TAS1R1: variants seen among roughly 807,000 people sequenced by gnomAD.
The protein encoded by TAS1R1 is taste receptor type 1 member 1.
In TAS1R1, 31 loss-of-function variants were observed where a neutral mutation model predicts 45.8. That is an observed-to-expected ratio of 0.68 (90% CI 0.51 to 0.91). TAS1R1 has a LOEUF of 0.91. TAS1R1 is among the 40% of genes least tolerant of loss of function. The pLI, the probability that TAS1R1 is intolerant of heterozygous loss-of-function variation, is 0.00. For missense variants in TAS1R1, 1,051 were observed against 1,063.9 expected (o/e 0.99, Z 0.17); for synonymous variants, 437 against 448.4 (o/e 0.97, Z 0.32).
rs566385786 is a variant in TAS1R1, at chr1:6,571,531, T to C, written c.498+316T>C. 2.0e-5 allele frequency among the ~76,000 whole-genome samples: 3 copies of C among 152,332 alleles called. No homozygotes were observed. The East Asian group carries it at 5.8e-4, about 29-fold the overall frequency. ...CCCTCCAGAGGTTCCGTTGCCTTTG[T>C]TAGGAATGGACATCCTGGACGGGCG... is the stretch of plus-strand genomic sequence containing the variant. On this transcript the variant is annotated intron_variant, in intron 2 of 5. Transcript: ENST00000333172.
intron 5 of TAS1R1, among the ~76,000 whole-genome samples, chr1:6,578,001 C>T (rs1175794892): frequency 6.6e-6 from 1 of 152,186 alleles, no homozygotes; most frequent in Non-Finnish European, 1.5e-5. Context: ...GTCCTACTGT[C>T]CCTTCTGTTG....
At chr1:6,559,121 C>T (rs1377434920) in intron 1 of TAS1R1, among the ~76,000 whole-genome samples, 2 of 151,998 alleles carry the variant, frequency 1.3e-5, no homozygotes, top group African/African-American at 2.4e-5. Context: ...TCTCAATCTC[C>T]TGACCTCGTG....
At chr1:6,559,039 C>T (rs1440689854) in intron 1 of TAS1R1, among the ~76,000 whole-genome samples, 1 of 152,024 alleles carries the variant, frequency 6.6e-6, no homozygotes, top group Non-Finnish European at 1.5e-5. Flanking sequence ...CTACAGGCGC[C>T]CGCCACCACG....
Position 6,574,975 on chromosome 1 carries a change from G to T in TAS1R1, c.843G>T (p.Arg281Ser), listed in dbSNP as rs1302052105. The T allele has an allele frequency of 1.2e-6, 2 of 1,605,374 alleles. No homozygotes were observed. Among genetic ancestry groups the T allele is most frequent in the African/African-American group, 2.7e-5 (2 of 74,800 alleles). Reference sequence around the variant, plus strand: ...TTTTTTCCAGCCGGCAGTTGGCCAGGGTGTTTTTCGAGTCCGTGGTGCTGA... The same window carrying T: ...TTTTTTCCAGCCGGCAGTTGGCCAGTGTGTTTTTCGAGTCCGTGGTGCTGA... ...VVVFSSRQLA[R>S]VFFESVVLTN... The change falls in exon 3 of 6, where the codon AGG becomes AGT. Residue 281 changes from arginine (R) to serine (S), a missense_variant. Physicochemically the swap from Arg to Ser is moderately radical, Grantham distance 110. Coordinates refer to ENST00000333172, the MANE Select transcript of TAS1R1 (RefSeq NM_138697.4). The surrounding 1 kb of genome is among the most constrained non-coding windows in gnomAD (Gnocchi z 4.3).
At chr1:6,566,536 T>G (rs780229163) in intron 1 of TAS1R1, among the ~76,000 whole-genome samples, 3 of 152,074 alleles carry the variant, frequency 2.0e-5, no homozygotes, top group Non-Finnish European at 4.4e-5. Flanking sequence ...CAGAGCTTGT[T>G]TACGATGGGC....
At position 6,575,278 on chromosome 1, in the gene TAS1R1, C is replaced by A. The variant is rs149292841; in HGVS notation, c.1146C>A (p.Ser382=). The change falls in exon 3 of 6, where the codon TCC becomes TCA. Residue 382 remains serine, a synonymous_variant. Transcript: ENST00000333172. ...AHTMPKLKAF[S]MSSAYNAYRA... ...CGATGCCCAAGCTCAAAGCCTTCTC[C>A]ATGAGTTCTGCCTACAACGCATACC... The A allele has an allele frequency of 1.4e-5, 23 of 1,613,146 alleles. No individual in the cohort carries two copies. In the African/African-American group the frequency reaches 2.8e-4, roughly 20 times the overall value.
rs900881208 is a variant in TAS1R1, at chr1:6,567,432, C to T, written c.192-3477C>T. Among the ~76,000 whole-genome samples the T allele has an allele frequency of 1.8e-4, 28 of 151,794 alleles. 1 individual carries two copies. The East Asian group carries it at 2.7e-3, about 15-fold the overall frequency. On this transcript the variant is annotated intron_variant, in intron 1 of 5. Coordinates refer to ENST00000333172, the MANE Select transcript of TAS1R1 (RefSeq NM_138697.4). ...AAAATTAGCCAGGCGTGGTGGTGTG[C>T]GCCTGTAGTCCCAGCTACTTGGGAG...
At chr1:6,570,849 C>T (rs758440638) in intron 1 of TAS1R1, 60 bp from the exon 2 acceptor site, 9 of 1,479,424 alleles carry the variant, frequency 6.1e-6, no homozygotes, top group Non-Finnish European at 7.3e-6. Context: ...GTCTAGGAGG[C>T]CAGAGGGTCT....
intron 5 of TAS1R1, among the ~76,000 whole-genome samples, 199 bp downstream of exon 5, chr1:6,577,269 C>T (rs966417990): frequency 1.3e-5 from 2 of 152,240 alleles, no homozygotes; most frequent in Non-Finnish European, 2.9e-5. Context: ...TGCGGTGGCT[C>T]ATGCCTGTAA....
intron 3 of TAS1R1, among the ~76,000 whole-genome samples, chr1:6,575,639 C>T (rs1472754335): frequency 6.6e-6 from 1 of 151,920 alleles, no homozygotes; most frequent in African/African-American, 2.4e-5. Flanking sequence ...TTGCCTCGGC[C>T]TCCTGAGTAG....
Position 6,576,617 on chromosome 1 carries a change from A to G in TAS1R1, c.1463A>G (p.Lys488Arg). ...INETKIQWHG[K>R]DNQVPKSVCS... ...GAGACCAAAATCCAGTGGCACGGAA[A>G]GGACAACCAGGTAATGGGGATGTGG... is the stretch of plus-strand genomic sequence containing the variant. The change falls in exon 4 of 6, where the codon AAG becomes AGG. Residue 488 changes from lysine to arginine, a missense_variant. Physicochemically the swap from Lys to Arg is conservative, Grantham distance 26. Coordinates refer to ENST00000333172, the MANE Select transcript of TAS1R1 (RefSeq NM_138697.4). 1.2e-6 allele frequency: 2 copies of G among 1,613,402 alleles called. No homozygotes were observed. Among genetic ancestry groups the G allele is most frequent in the Non-Finnish European group, 1.7e-6 (2 of 1,179,540 alleles).
chr1:6,570,062 G>A (rs1022320020), intron 1 of TAS1R1, among the ~76,000 whole-genome samples: 11 of 149,682 alleles, frequency 7.3e-5, no homozygotes, highest in African/African-American at 2.7e-4. Context: ...TGAGTCCTCT[G>A]GGGATGCCCG....
At chr1:6,563,685 T>C (rs994101825) in intron 1 of TAS1R1, among the ~76,000 whole-genome samples, 1 of 151,950 alleles carries the variant, frequency 6.6e-6, no homozygotes, top group African/African-American at 2.4e-5. Flanking sequence ...AAGGGTCTTG[T>C]AGAGGTAGCT....
intron 1 of TAS1R1, among the ~76,000 whole-genome samples, chr1:6,564,721 T>C (rs1639845728): frequency 6.6e-6 from 1 of 152,206 alleles, no homozygotes; most frequent in Non-Finnish European, 1.5e-5. Context: ...AGATCAAATC[T>C]AGGGATGATA....
At chr1:6,563,611 TA>T (rs1363357384) in intron 1 of TAS1R1, among the ~76,000 whole-genome samples, 1 of 151,908 alleles carries the variant, frequency 6.6e-6, no homozygotes, top group East Asian at 1.9e-4. Context: ...GATAGGGAGA[TA>T]AAGAGCCAGC....
chr1:6,555,679 A>G, intron 1 of TAS1R1, 115 bp downstream of exon 1: 1 of 1,005,762 alleles, frequency 9.9e-7, no homozygotes, highest in Non-Finnish European at 1.4e-6. Context: ...AACTGTCCCC[A>G]GGCCTTGTTC....
Position 6,576,962 on chromosome 1 carries a change from G to T in TAS1R1, c.1486G>T (p.Val496Leu), listed in dbSNP as rs1229246165. ...HGKDNQVPKS[V>L]CSSDCLEGHQ... The stretch of plus-strand genomic sequence containing the variant: ...TGGCTTCTTACAGGTGCCTAAGTCT[G>T]TGTGTTCCAGCGACTGTCTTGAAGG... The change falls in exon 5 of 6, where the codon GTG becomes TTG. Residue 496 changes from valine (V) to leucine (L), a missense_variant. Transcript: ENST00000333172. 2.5e-6 allele frequency: 4 copies of T among 1,614,132 alleles called. No individual in the cohort carries two copies. Among genetic ancestry groups the T allele is most frequent in the Non-Finnish European group, 3.4e-6 (4 of 1,180,044 alleles).
At chr1:6,565,946 C>T (rs766667961) in intron 1 of TAS1R1, among the ~76,000 whole-genome samples, 3 of 152,104 alleles carry the variant, frequency 2.0e-5, no homozygotes, top group Non-Finnish European at 4.4e-5. Flanking sequence ...AGGGTCATGG[C>T]TTGGGCCCCG....
rs1256846774 is a variant in TAS1R1 at position 6,577,050 on chromosome 1, G to A, written c.1574G>A (p.Gly525Glu). ...TTTGAGTGTGTGCCCTGTGGGGCTG[G>A]GACCTTCCTCAACAAGAGTGGTGAG... ...CCFECVPCGA[G>E]TFLNKSDLYR... is the part of the protein sequence containing the mutation. Residue 525 changes from glycine to glutamate, a missense_variant, in exon 5 of 6, where the codon GGG becomes GAG. Physicochemically the swap from Gly to Glu is moderately conservative, Grantham distance 98. Coordinates refer to ENST00000333172, the MANE Select transcript of TAS1R1 (RefSeq NM_138697.4). 1 of 1,614,078 alleles carries A rather than the reference G, an allele frequency of 6.2e-7. No individual in the cohort carries two copies. Among genetic ancestry groups the A allele is most frequent in the Non-Finnish European group, 8.5e-7 (1 of 1,180,012 alleles).
Sources: allele counts gnomAD v4.1 joint callset (sites outside exome capture counted in the v4.1 genomes callset), GRCh38; gene constraint gnomAD v4.1.1; non-coding constraint Gnocchi (gnomAD v3.1); transcripts MANE v1.5; gene names NCBI Gene and HGNC (gene_info 2026-07-23, HGNC 2026-07-21).